Variants in ACKR2 observed in about 807,000 individuals in gnomAD.
The protein encoded by ACKR2 is atypical chemokine receptor 2.
For missense variants in ACKR2, 457 were observed against 477.3 expected (o/e 0.96, Z 0.40); for synonymous variants, 207 against 192.2 (o/e 1.08, Z -0.64).
rs184318322 is a variant in ACKR2, at chr3:42,827,431, G to A, written c.-38+7720G>A. 1.8e-4 allele frequency among the ~76,000 whole-genome samples: 28 copies of A among 152,126 alleles called. No individual in the cohort carries two copies. The East Asian group carries it at 5.2e-3, about 28-fold the overall frequency. ...GTCTTTCTAAATTCTGATGTTATGG[G>A]TTTCTTTGTGCAGAGCCATGTTGTA... On this transcript the variant is annotated intron_variant, in intron 2 of 2. Coordinates refer to ENST00000422265, the MANE Select transcript of ACKR2 (RefSeq NM_001296.5).
In ACKR2 at chr3:42,864,526, G is replaced by A. The variant is rs538042992; in HGVS notation, c.24G>A (p.Gln8=). 2 of 1,606,644 alleles carry A rather than the reference G, an allele frequency of 1.2e-6. No homozygotes were observed. The highest frequency in any genetic ancestry group is 1.1e-5 in the South Asian group (1 of 90,282). The change falls in exon 3 of 3, where the codon CAG becomes CAA. Residue 8 remains glutamine (Q), a synonymous_variant. Transcript: ENST00000422265. ...ACATGGCCGCCACTGCCTCTCCGCA[G>A]CCACTCGCCACTGAGGATGCCGATT... MAATASP[Q]PLATEDADSE... is the part of the protein sequence containing the mutation.
chr3:42,840,710 C>T (rs756620348), intron 2 of ACKR2, among the ~76,000 whole-genome samples: 12 of 152,074 alleles, frequency 7.9e-5, no homozygotes, highest in Middle Eastern at 3.2e-3. Context: ...TTTGTTGAGA[C>T]GGAGTCTCGC....
intron 2 of ACKR2, among the ~76,000 whole-genome samples, chr3:42,836,786 T>A (rs928654773): frequency 6.6e-6 from 1 of 152,166 alleles, no homozygotes; most frequent in Non-Finnish European, 1.5e-5. Context: ...TTCCTAGGAC[T>A]GTGTGGAGAT....
At chr3:42,817,004 A>T (rs1227884568) in intron 1 of ACKR2, among the ~76,000 whole-genome samples, 1 of 152,184 alleles carries the variant, frequency 6.6e-6, no homozygotes, top group Non-Finnish European at 1.5e-5. Context: ...GGCTTTGAAT[A>T]ACAGCTTAAA....
intron 2 of ACKR2, among the ~76,000 whole-genome samples, chr3:42,861,066 A>C (rs2088379911): frequency 6.6e-6 from 1 of 152,188 alleles, no homozygotes; most frequent in Non-Finnish European, 1.5e-5. Context: ...AAATCAATGA[A>C]TCCAGGAGCT....
intron 2 of ACKR2, among the ~76,000 whole-genome samples, chr3:42,860,188 A>AAAAAAAAAAC (rs1559693615): frequency 6.8e-6 from 1 of 146,172 alleles, no homozygotes; most frequent in Non-Finnish European, 1.5e-5. Context: ...AAAAAAAAAA[A>AAAAAAAAAAC]AGCAGGGGAT....
chr3:42,850,535 C>T (rs1701143503), intron 2 of ACKR2, among the ~76,000 whole-genome samples: 1 of 152,136 alleles, frequency 6.6e-6, no homozygotes, highest in Non-Finnish European at 1.5e-5. Context: ...AGACAACAGG[C>T]ATTCACCAAG....
chr3:42,821,074 C>T (rs1290763743), intron 2 of ACKR2, among the ~76,000 whole-genome samples: 1 of 151,904 alleles, frequency 6.6e-6, no homozygotes, highest in Admixed American at 6.6e-5. Context: ...TTAGTAGAGA[C>T]GAGGTTTCAC....
chr3:42,857,709 G>A (rs2125622845), intron 2 of ACKR2, among the ~76,000 whole-genome samples: 1 of 152,282 alleles, frequency 6.6e-6, no homozygotes, highest in East Asian at 1.9e-4. Flanking sequence ...TAAAAATATT[G>A]ATATGAAACT....
chr3:42,824,712 A>C (rs191506079), intron 2 of ACKR2, among the ~76,000 whole-genome samples: 126 of 152,280 alleles, frequency 8.3e-4, no homozygotes, highest in African/African-American at 3.0e-3. Context: ...CACTGCATGG[A>C]TATACCACAC....
intron 2 of ACKR2, chr3:42,851,466 C>G: frequency 6.1e-6 from 6 of 983,702 alleles, no homozygotes; most frequent in Non-Finnish European, 6.0e-6. Context: ...TAGGTTATAG[C>G]CATACTCGGG....
In ACKR2 at chr3:42,852,936, C is replaced by T. The variant is rs1301281916; in HGVS notation, c.-37-11530C>T. On this transcript the variant is annotated intron_variant, in intron 2 of 2. Transcript: ENST00000422265. This position sits in a 1 kb window ranked among gnomAD's most constrained non-coding sequence, Gnocchi z 4.3. ...TCAGAGGCCAGCTGATTCCTCTGGC[C>T]AGCTGTGCCTGGCTTACAGTGTGGC... Among the ~76,000 whole-genome samples the T allele has an allele frequency of 6.6e-6, 1 of 151,890 alleles. No homozygotes were observed. The highest frequency in any genetic ancestry group is 2.4e-5 in the African/African-American group (1 of 41,320).
At position 42,865,480 on chromosome 3, in the gene ACKR2, C is replaced by T. The variant is rs866066375; in HGVS notation, c.978C>T (p.Phe326=). The T allele has an allele frequency of 5.6e-6, 9 of 1,614,176 alleles. No individual in the cohort carries two copies. The highest frequency in any genetic ancestry group is 7.6e-6 in the Non-Finnish European group (9 of 1,180,042). The change falls in exon 3 of 3, where the codon TTC becomes TTT. Residue 326 remains phenylalanine (F), a synonymous_variant. Coordinates refer to ENST00000422265, the MANE Select transcript of ACKR2 (RefSeq NM_001296.5). Reference sequence around the variant, plus strand: ...GCTTCCGCCAGTACCTGAAGGCTTTCCTGGCTGCCGTGCTTGGATGGCACC... The same window carrying T: ...GCTTCCGCCAGTACCTGAAGGCTTTTCTGGCTGCCGTGCTTGGATGGCACC... The part of the protein sequence containing the change: ...SHRFRQYLKA[F]LAAVLGWHLA...
intron 1 of ACKR2, among the ~76,000 whole-genome samples, chr3:42,811,581 C>G (rs951794272): frequency 6.6e-6 from 1 of 152,186 alleles, no homozygotes; most frequent in African/African-American, 2.4e-5. Flanking sequence ...AGGGAAAGAC[C>G]CAGCCGTCCT....
chr3:42,849,807 A>T (rs962005805), intron 2 of ACKR2, among the ~76,000 whole-genome samples: 23 of 152,238 alleles, frequency 1.5e-4, no homozygotes, highest in Non-Finnish European at 3.4e-4. Context: ...GTTTGGTTAC[A>T]GTTCATTATG....
chr3:42,822,813 C>CA (rs71072739), intron 2 of ACKR2, among the ~76,000 whole-genome samples: 1,386 of 81,546 alleles, frequency 0.017, 25 homozygotes, highest in African/African-American at 0.032. Context: ...GACTCCAGCT[C>CA]AAAAAAAAAA....
At chr3:42,819,534 C>T (rs953252188) in intron 1 of ACKR2, 97 bp from the exon 2 acceptor site, 9 of 150,660 alleles carry the variant, frequency 6.0e-5, no homozygotes, top group Non-Finnish European at 1.0e-4. Context: ...TCCTGGCACA[C>T]GGTATGATAT....
chr3:42,830,407 C>T (rs185363764), intron 2 of ACKR2, among the ~76,000 whole-genome samples: 103 of 152,350 alleles, frequency 6.8e-4, no homozygotes, highest in African/African-American at 1.9e-3. Flanking sequence ...TGAGCCACCA[C>T]GCCCAGCCTT....
rs1173620130 is a variant in ACKR2, at chr3:42,865,768, A to T, written c.*111A>T. On this transcript the variant is annotated 3_prime_UTR_variant, in exon 3 of 3. Coordinates refer to ENST00000422265, the MANE Select transcript of ACKR2 (RefSeq NM_001296.5). Reference sequence around the variant, plus strand: ...GACTGTGTTGCTAAACCCAGTGGTCAGTTCTCAGTTCTCAGCCATCAGCAG... The same window carrying T: ...GACTGTGTTGCTAAACCCAGTGGTCTGTTCTCAGTTCTCAGCCATCAGCAG... 2.5e-6 allele frequency: 2 copies of T among 789,692 alleles called. No homozygotes were observed. 48.9% of individuals were successfully genotyped at this position (789,692 alleles called of 1,614,324 possible).
Sources: gnomAD v4.1 joint callset for allele counts (sites outside exome capture counted in the v4.1 genomes callset) on GRCh38, gnomAD v4.1.1 for gene constraint, Gnocchi (gnomAD v3.1) non-coding constraint, MANE v1.5 for transcripts, NCBI Gene and HGNC (gene_info 2026-07-23, HGNC 2026-07-21) for gene names.